The following SPACA4 variants were observed in gnomAD, a reference collection of about 807,000 sequenced individuals.
SPACA4 encodes sperm acrosome membrane-associated protein 4.
For missense variants in SPACA4, 130 were observed against 169.4 expected (o/e 0.77, Z 1.29); for synonymous variants, 63 against 77.5 (o/e 0.81, Z 0.98).
In SPACA4 at chr19:48,607,170, C is replaced by A. The variant is rs1486263293; in HGVS notation, c.192C>A (p.Gly64=). The change falls in exon 1 of 1, where the codon GGC becomes GGA. Residue 64 remains glycine, a synonymous_variant. Transcript: ENST00000321762. ...APGTGPVINK[G]CLRATSCGLE... ...GCACTGGTCCGGTCATCAACAAAGG[C>A]TGCCTGCGAGCCACCAGCTGCGGCC... is the stretch of plus-strand genomic sequence containing the variant. 17 of 1,613,054 alleles carry A rather than the reference C, an allele frequency of 1.1e-5. No homozygotes were observed. Among genetic ancestry groups the A allele is most frequent in the Non-Finnish European group, 1.4e-5 (16 of 1,179,998 alleles).
In SPACA4 at chr19:48,607,493, AC is replaced by A; in HGVS notation, c.*142del. ...GGCTTCATCCCTTCTAAGGCTGTCCACCAGGAGCCCGGTGCTAGGGGAAGCA... is the reference window on the plus strand; with the variant it reads ...GGCTTCATCCCTTCTAAGGCTGTCCACAGGAGCCCGGTGCTAGGGGAAGCA... On this transcript the variant is annotated 3_prime_UTR_variant, in exon 1 of 1. Coordinates refer to ENST00000321762, the MANE Select transcript of SPACA4 (RefSeq NM_133498.3). 8.4e-7 allele frequency: 1 copy of A among 1,193,484 alleles called. No homozygotes were observed. Among genetic ancestry groups the A allele is most frequent in the South Asian group, 1.6e-5 (1 of 61,864 alleles). 73.9% of individuals were successfully genotyped at this position (1,193,484 alleles called of 1,614,324 possible).
rs138381139 is a variant in SPACA4 at position 48,607,427 on chromosome 19, C to T, written c.*74C>T. ...CCCATGTCCCCATGTCCTTCCCCCA[C>T]TAAATGGCCAGAGAGGCCCTGGACA... On this transcript the variant is annotated 3_prime_UTR_variant, in exon 1 of 1. Coordinates refer to ENST00000321762, the MANE Select transcript of SPACA4 (RefSeq NM_133498.3). The T allele has an allele frequency of 4.3e-5, 64 of 1,489,366 alleles. No individual in the cohort carries two copies. The East Asian group carries it at 1.6e-3, about 36-fold the overall frequency. 92.3% of individuals were successfully genotyped at this position (1,489,366 alleles called of 1,614,324 possible). A position where few individuals can be genotyped will look rare whatever the true frequency, so the allele number is the denominator to read the frequency against.
In SPACA4 at chr19:48,607,217, G is replaced by A. The variant is rs1422934589; in HGVS notation, c.239G>A (p.Arg80Lys). The change falls in exon 1 of 1, where the codon AGG becomes AAG. Residue 80 changes from arginine (R) to lysine (K), a missense_variant. Transcript: ENST00000321762. Reference sequence around the variant, plus strand: ...GGCCTTGAGGAACCCGTCAGCTACAGGGGCGTCACCTACAGCCTCACCACC... The same window carrying A: ...GGCCTTGAGGAACCCGTCAGCTACAAGGGCGTCACCTACAGCCTCACCACC... ...SCGLEEPVSYRGVTYSLTTNC... is the reference protein window; with the variant it reads ...SCGLEEPVSYKGVTYSLTTNC... 1.2e-6 allele frequency: 2 copies of A among 1,612,992 alleles called. No homozygotes were observed. Among genetic ancestry groups the A allele is most frequent in the African/African-American group, 1.3e-5 (1 of 74,938 alleles).
rs1328733233 is a variant in SPACA4, at chr19:48,607,376, G to A, written c.*23G>A. 1.3e-6 allele frequency: 2 copies of A among 1,555,656 alleles called. No individual in the cohort carries two copies. Among genetic ancestry groups the A allele is most frequent in the Non-Finnish European group, 1.7e-6 (2 of 1,146,314 alleles). The stretch of plus-strand genomic sequence containing the variant: ...TGACCAACAGGGAGGACAGGGCCTG[G>A]GACTGTTCTCCCAGATCCGCCACTC... On this transcript the variant is annotated 3_prime_UTR_variant, in exon 1 of 1. Transcript: ENST00000321762.
Position 48,606,908 on chromosome 19 carries a change from C to T in SPACA4, c.-71C>T. The T allele has an allele frequency of 6.5e-7, 1 of 1,542,752 alleles. No individual in the cohort carries two copies. The highest frequency in any genetic ancestry group is 1.8e-4 in the Middle Eastern group (1 of 5,424). ...GCAAGAGGAGTCCTCAGAGGTCCTT[C>T]ATTCAGCGGTTCCGGGAGGTCTGGG... On this transcript the variant is annotated 5_prime_UTR_variant, in exon 1 of 1. Transcript: ENST00000321762.
Sources: gnomAD v4.1 joint callset for allele counts on GRCh38, gnomAD v4.1.1 for gene constraint, MANE v1.5 for transcripts, NCBI Gene and HGNC (gene_info 2026-07-23, HGNC 2026-07-21) for gene names.